Variants in TMEM185A observed in about 807,000 individuals in gnomAD.
TMEM185A encodes transmembrane protein 185A.
In TMEM185A, 9 loss-of-function variants were observed where a neutral mutation model predicts 25.0. The ratio of observed to expected loss-of-function variants is 0.36; its 90% CI spans 0.22 to 0.63. The LOEUF (loss-of-function observed/expected upper bound fraction) is 0.63. Among genes scored for constraint, TMEM185A ranks in the 20% least tolerant of loss-of-function variants. The probability of loss-of-function intolerance (pLI) is 0.68; values close to 1 mark genes in which losing one functional copy is unlikely to be tolerated. For synonymous variants in TMEM185A, 45 were observed against 93.5 expected, an observed-to-expected ratio of 0.48 and a Z score of 2.99; for missense variants, 103 against 237.4, an observed-to-expected ratio of 0.43 and a Z score of 3.72.
At chrX:149,628,804 G>A (rs1557356314) in intron 1 of TMEM185A, among the ~76,000 whole-genome samples, 1 of 112,304 alleles carries the variant, frequency 8.9e-6, no homozygotes, top group Admixed American at 9.4e-5. Flanking sequence ...CTCTGAAGGT[G>A]GGAAGAGTGT....
rs781836685 is a variant in TMEM185A at position 149,604,095 on chromosome X, TAAAC to T, written c.424-29_424-26del. On this transcript the variant is annotated intron_variant, in intron 3 of 6. Transcript: ENST00000600449. ...ACTAAAAATGAAGAGAAGAATCAGT[TAAAC>T]AAAGTATAATTTGCATTTAATACTG... The T allele has an allele frequency of 6.9e-5, 75 of 1,085,057 alleles. No homozygotes were observed. In the Admixed American group the frequency reaches 1.4e-3, roughly 20 times the overall value. The allele number at this position is 1,085,057 out of a possible 1,213,427, so 89.4% of individuals were successfully genotyped here.
intron 1 of TMEM185A, among the ~76,000 whole-genome samples, chrX:149,613,250 C>T (rs2090093539): frequency 8.9e-6 from 1 of 112,218 alleles, no homozygotes; most frequent in Admixed American, 9.5e-5. Context: ...TCCAGGTGTG[C>T]CCAGTGTAAT....
At chrX:149,609,879 GTTTA>G (rs1196581966) in intron 2 of TMEM185A, among the ~76,000 whole-genome samples, 4 of 111,937 alleles carry the variant, frequency 3.6e-5, no homozygotes, top group Non-Finnish European at 3.8e-5. Context: ...GAACCTAAAT[GTTTA>G]TTTAACTTTG....
At chrX:149,623,173 C>T (rs1260265548) in intron 1 of TMEM185A, among the ~76,000 whole-genome samples, 2 of 112,306 alleles carry the variant, frequency 1.8e-5, no homozygotes, top group Non-Finnish European at 3.8e-5. Context: ...ATCCTCCCCT[C>T]TCCAATTCCA....
chrX:149,599,225 C>T (rs1250529470), intron 6 of TMEM185A, among the ~76,000 whole-genome samples: 1 of 96,706 alleles, frequency 1.0e-5, no homozygotes, highest in Non-Finnish European at 2.0e-5. Flanking sequence ...CCATCAAACC[C>T]TCCCGGGCCT....
In TMEM185A at chrX:149,601,404, T is replaced by C. The variant is rs1327740662; in HGVS notation, c.508-925A>G. The C allele has an allele frequency of 1.9e-4, 19 of 98,538 alleles. 1 individual carries two copies. The highest frequency in any genetic ancestry group is 1.7e-3 in the Admixed American group (17 of 10,060). 8.1% of individuals were successfully genotyped at this position (98,538 alleles called of 1,213,427 possible). ...GTCTGTCACCCTGCAAAACTCTCCG[T>C]GCTGTCCCTTCACTATCACACCGTC... is the stretch of plus-strand genomic sequence containing the variant. On this transcript the variant is annotated intron_variant, in intron 4 of 6. Transcript: ENST00000600449.
intron 3 of TMEM185A, 90 bp downstream of exon 3, chrX:149,608,537 G>T: frequency 3.3e-6 from 3 of 903,854 alleles, no homozygotes; most frequent in Non-Finnish European, 4.8e-6. Context: ...CACCATGTTG[G>T]CCAGGCTGGT....
intron 3 of TMEM185A, among the ~76,000 whole-genome samples, chrX:149,605,425 C>T (rs782279280): frequency 1.9e-4 from 19 of 100,498 alleles, no homozygotes; most frequent in Non-Finnish European, 3.7e-4. Flanking sequence ...CTTTCTATGG[C>T]CTCCCATGTC....
chrX:149,627,121 C>T (rs2090167740), intron 1 of TMEM185A, among the ~76,000 whole-genome samples: 1 of 111,798 alleles, frequency 8.9e-6, no homozygotes, highest in Admixed American at 9.4e-5. Flanking sequence ...TAAGGTCTTT[C>T]CTTTCCCACA....
chrX:149,602,512 T>C (rs1210070940), intron 4 of TMEM185A, among the ~76,000 whole-genome samples: 2 of 112,531 alleles, frequency 1.8e-5, no homozygotes, highest in Admixed American at 9.4e-5. Context: ...ATTCTCCTTT[T>C]TACTGAAGTT....
Position 149,631,735 on chromosome X carries a change from T to TCGCCGCCGCCGTCGCCGTCGCCGCCGC in TMEM185A, c.-156_-155insGCGGCGGCGACGGCGACGGCGGCGGCG, listed in dbSNP as rs2090197612. The stretch of plus-strand genomic sequence containing the variant: ...GTCCCCGCTGCCGTCGCCGTCGCCG[T>TCGCCGCCGCCGTCGCCGTCGCCGCCGC]CGCCGCCGCCGCCGCCGCCGCCGCC... On this transcript the variant is annotated 5_prime_UTR_variant, in exon 1 of 7. Transcript: ENST00000600449. 1 of 327,457 alleles carries TCGCCGCCGCCGTCGCCGTCGCCGCCGC rather than the reference T, an allele frequency of 3.1e-6. No individual in the cohort carries two copies. The highest frequency in any genetic ancestry group is 7.6e-5 in the East Asian group (1 of 13,164). The allele number at this position is 327,457 out of a possible 1,213,427, so 27.0% of individuals were successfully genotyped here.
chrX:149,630,660 G>A (rs1167522287), intron 1 of TMEM185A, among the ~76,000 whole-genome samples: 1 of 111,720 alleles, frequency 9.0e-6, no homozygotes, highest in Non-Finnish European at 1.9e-5. Context: ...CAAGTCTTTG[G>A]GCTCAGTTTA....
At chrX:149,628,278 C>T (rs986862307) in intron 1 of TMEM185A, among the ~76,000 whole-genome samples, 3 of 111,244 alleles carry the variant, frequency 2.7e-5, no homozygotes, top group Admixed American at 9.5e-5. Flanking sequence ...TGGTGAGTGC[C>T]GGGAGCCCAC....
chrX:149,631,133 G>A (rs2090189232), intron 1 of TMEM185A, among the ~76,000 whole-genome samples: 1 of 110,719 alleles, frequency 9.0e-6, no homozygotes, highest in African/African-American at 3.3e-5. Context: ...GGAAACAGCT[G>A]GGGTGGGGGT....
At chrX:149,612,045 T>C (rs1201027697) in intron 1 of TMEM185A, among the ~76,000 whole-genome samples, 3 of 112,630 alleles carry the variant, frequency 2.7e-5, no homozygotes, top group Non-Finnish European at 3.8e-5. Flanking sequence ...AAATTACACA[T>C]ACACACATGC....
intron 4 of TMEM185A, among the ~76,000 whole-genome samples, chrX:149,603,493 C>T (rs1478797841): frequency 9.0e-6 from 1 of 111,345 alleles, no homozygotes; most frequent in Non-Finnish European, 1.9e-5. Context: ...AAATAGTTCC[C>T]AACCTCTAGC....
intron 6 of TMEM185A, 42 bp downstream of exon 6, chrX:149,599,512 C>T (rs782404339): frequency 5.9e-6 from 6 of 1,011,468 alleles, no homozygotes; most frequent in African/African-American, 2.1e-5. Context: ...CTGGTCCCCC[C>T]CCAGACACAC....
chrX:149,623,219 G>A (rs1376973249), intron 1 of TMEM185A, among the ~76,000 whole-genome samples: 5 of 111,717 alleles, frequency 4.5e-5, no homozygotes, highest in Non-Finnish European at 9.4e-5. Flanking sequence ...TCTATAAATC[G>A]TGGTGGGTAG....
Position 149,631,703 on chromosome X carries a change from T to C in TMEM185A, c.-123A>G, listed in dbSNP as rs2090194324. The C allele has an allele frequency of 2.8e-6, 2 of 706,364 alleles. No individual in the cohort carries two copies. Among genetic ancestry groups the C allele is most frequent in the South Asian group, 1.1e-4 (2 of 17,808 alleles). 58.2% of individuals were successfully genotyped at this position (706,364 alleles called of 1,213,427 possible). A position where few individuals can be genotyped will look rare whatever the true frequency, so the allele number is the denominator to read the frequency against. ...GCGTCCACGCTGCTGCTCCCGCTAC[T>C]GCTGCCGTCCCCGCTGCCGTCGCCG... is the stretch of plus-strand genomic sequence containing the variant. On this transcript the variant is annotated 5_prime_UTR_variant, in exon 1 of 7. Transcript: ENST00000600449.
Sources: gnomAD v4.1 joint callset for allele counts (sites outside exome capture counted in the v4.1 genomes callset) on GRCh38, gnomAD v4.1.1 for gene constraint, MANE v1.5 for transcripts, NCBI Gene and HGNC (gene_info 2026-07-23, HGNC 2026-07-21) for gene names.